ASTN2: variants seen among roughly 807,000 people sequenced by gnomAD.
ASTN2 encodes astrotactin-2.
ASTN2 carries 54 observed loss-of-function variants against 139.8 expected under a neutral mutation model. The ratio of observed to expected loss-of-function variants is 0.39; its 90% CI spans 0.31 to 0.48. The LOEUF (loss-of-function observed/expected upper bound fraction) is 0.48, where lower values mean the gene tolerates loss of function less well. ASTN2 is among the 20% of genes least tolerant of loss of function. ASTN2 has a pLI of 0.95. For missense variants in ASTN2, 1,565 were observed against 1,725.1 expected, an observed-to-expected ratio of 0.91 and a Z score of 1.64; for synonymous variants, 756 against 719.5, an observed-to-expected ratio of 1.05 and a Z score of -0.81.
chr9:117,215,783 T>G (rs969378999), intron 2 of ASTN2, among the ~76,000 whole-genome samples: 1 of 152,104 alleles, frequency 6.6e-6, no homozygotes, highest in Non-Finnish European at 1.5e-5. Flanking sequence ...TTCTCTTGCT[T>G]TTCTTCACTT....
intron 20 of ASTN2, among the ~76,000 whole-genome samples, chr9:116,484,800 G>T (rs1282582162): frequency 6.6e-6 from 1 of 152,212 alleles, no homozygotes; most frequent in Non-Finnish European, 1.5e-5. Flanking sequence ...AGGAGGGGTG[G>T]TGTCAGGCAG....
chr9:117,051,951 T>C (rs1457648854), intron 5 of ASTN2, among the ~76,000 whole-genome samples: 1 of 152,172 alleles, frequency 6.6e-6, no homozygotes, highest in Non-Finnish European at 1.5e-5. Context: ...AAATAAACCA[T>C]ACCCAAACAT....
intron 1 of ASTN2, among the ~76,000 whole-genome samples, chr9:117,410,757 C>T (rs1463411293): frequency 6.6e-6 from 1 of 152,172 alleles, no homozygotes; most frequent in Non-Finnish European, 1.5e-5. Context: ...GAGATGCCTT[C>T]CTTCCCTGAT....
intron 10 of ASTN2, among the ~76,000 whole-genome samples, chr9:116,964,384 T>A (rs1460572743): frequency 6.6e-6 from 1 of 152,138 alleles, no homozygotes; most frequent in Admixed American, 6.5e-5. Context: ...TGATTTCTCA[T>A]CTTAGCTTAT....
In ASTN2 at chr9:117,380,450, C is replaced by T. The variant is rs541456514; in HGVS notation, c.442+34047G>A. On this transcript the variant is annotated intron_variant, in intron 1 of 22. Coordinates refer to ENST00000313400, the MANE Select transcript of ASTN2 (RefSeq NM_001365068.1). ...TGAAACCCTGTCTCTACTAAAAATA[C>T]AAAAATTAGCTGGGGGTGGTGTTGT... Among the ~76,000 whole-genome samples the T allele has an allele frequency of 2.0e-5, 3 of 152,002 alleles. No individual in the cohort carries two copies. The South Asian group carries it at 6.2e-4, about 32-fold the overall frequency.
At chr9:116,887,345 C>G (rs1015794716) in intron 10 of ASTN2, among the ~76,000 whole-genome samples, 2 of 151,676 alleles carry the variant, frequency 1.3e-5, no homozygotes, top group Non-Finnish European at 2.9e-5. Flanking sequence ...GATGGAGATG[C>G]CTGGGGAGAA....
chr9:117,328,896 G>A (rs552393442), intron 1 of ASTN2, among the ~76,000 whole-genome samples: 2 of 152,186 alleles, frequency 1.3e-5, no homozygotes, highest in Non-Finnish European at 2.9e-5. Flanking sequence ...AAAGAAGAGT[G>A]GAGTGGATGC....
rs118172220 is a variant in ASTN2 at position 116,952,162 on chromosome 9, G to T, written c.1889+23046C>A. ...CTTAATGCTAGTGAGCACTTGACAT[G>T]ATTTGAGAGTTGCAGAAAATAGCCC... On this transcript the variant is annotated intron_variant, in intron 10 of 22. Coordinates refer to ENST00000313400, the MANE Select transcript of ASTN2 (RefSeq NM_001365068.1). Among the ~76,000 whole-genome samples, 9 of 152,304 alleles carry T rather than the reference G, an allele frequency of 5.9e-5. No homozygotes were observed. In the East Asian group the frequency reaches 1.7e-3, roughly 29 times the overall value.
chr9:116,632,264 A>G (rs377604106), intron 17 of ASTN2, among the ~76,000 whole-genome samples: 69 of 142,654 alleles, frequency 4.8e-4, no homozygotes, highest in South Asian at 7.0e-4. Flanking sequence ...AAAGAAAGAA[A>G]GAAAGAAAGA....
At chr9:116,980,546 C>T (rs548286171) in intron 7 of ASTN2, among the ~76,000 whole-genome samples, 1 of 152,254 alleles carries the variant, frequency 6.6e-6, no homozygotes, top group East Asian at 1.9e-4. Context: ...CTTAGTTTCT[C>T]CTTCTGTAAA....
intron 19 of ASTN2, among the ~76,000 whole-genome samples, chr9:116,542,285 C>T (rs561990563): frequency 1.3e-5 from 2 of 152,212 alleles, no homozygotes; most frequent in South Asian, 4.2e-4. Flanking sequence ...TTTACATTAG[C>T]ACCAACAAAA....
intron 12 of ASTN2, among the ~76,000 whole-genome samples, chr9:116,815,210 A>T (rs906358756): frequency 6.6e-6 from 1 of 152,192 alleles, no homozygotes; most frequent in Non-Finnish European, 1.5e-5. Context: ...ACTAGACTTC[A>T]GCTTTGACAA....
intron 12 of ASTN2, among the ~76,000 whole-genome samples, chr9:116,808,561 C>A (rs1272244191): frequency 5.3e-5 from 8 of 152,264 alleles, no homozygotes; most frequent in Admixed American, 3.3e-4. Flanking sequence ...ATGCTTTTAA[C>A]TAATTTTTAT....
At chr9:117,253,856 C>T (rs1049659053) in intron 2 of ASTN2, among the ~76,000 whole-genome samples, 1 of 152,248 alleles carries the variant, frequency 6.6e-6, no homozygotes. Context: ...AATGCAGTAG[C>T]CTGAGCAGCT....
At chr9:117,085,903 A>T (rs529208924) in intron 5 of ASTN2, among the ~76,000 whole-genome samples, 5 of 152,344 alleles carry the variant, frequency 3.3e-5, no homozygotes, top group Non-Finnish European at 7.3e-5. Context: ...TTGAAATCAA[A>T]TAGCTTAAAT....
intron 11 of ASTN2, among the ~76,000 whole-genome samples, chr9:116,851,147 G>A (rs1461793702): frequency 6.6e-6 from 1 of 152,184 alleles, no homozygotes; most frequent in Non-Finnish European, 1.5e-5. Flanking sequence ...TTGATAAGAT[G>A]TGCTAGATGC....
intron 19 of ASTN2, among the ~76,000 whole-genome samples, chr9:116,502,245 C>G (rs910830131): frequency 1.3e-5 from 2 of 151,030 alleles, no homozygotes; most frequent in Non-Finnish European, 3.0e-5. Context: ...CAGAGAGAGA[C>G]AGAGAGAGAC....
intron 6 of ASTN2, 99 bp from the exon 7 acceptor site, chr9:117,008,358 G>T (rs1837420820): frequency 1.8e-6 from 2 of 1,113,064 alleles, no homozygotes; most frequent in Non-Finnish European, 2.5e-6. Context: ...CGTTCCCCAG[G>T]TCATCTGATC....
intron 2 of ASTN2, among the ~76,000 whole-genome samples, chr9:117,258,363 A>ACGCAGCTCAGCCTCTCAACG (rs1833741714): frequency 6.6e-6 from 1 of 152,150 alleles, no homozygotes; most frequent in Non-Finnish European, 1.5e-5. Context: ...AATTGTTACC[A>ACGCAGCTCAGCCTCTCAACG]CGCAGCTCAG....
Sources: gnomAD v4.1 joint callset for allele counts (sites outside exome capture counted in the v4.1 genomes callset) on GRCh38, gnomAD v4.1.1 for gene constraint, MANE v1.5 for transcripts, NCBI Gene and HGNC (gene_info 2026-07-23, HGNC 2026-07-21) for gene names.